The following MMRN1 variants were observed in gnomAD, a reference collection of about 807,000 sequenced individuals.
The protein encoded by MMRN1 is multimerin 1.
In MMRN1, 94 loss-of-function variants were observed where a neutral mutation model predicts 100.7. That is an observed-to-expected ratio of 0.93 (90% CI 0.79 to 1.11). The LOEUF is 1.11. Among genes scored for constraint, MMRN1 ranks in the 50% least tolerant of loss-of-function variants. The pLI is 0.00. For synonymous variants in MMRN1, 575 were observed against 505.0 expected, an observed-to-expected ratio of 1.14 and a Z score of -1.86; for missense variants, 1,606 against 1,439.1, an observed-to-expected ratio of 1.12 and a Z score of -1.88.
intron 5 of MMRN1, among the ~76,000 whole-genome samples, chr4:89,930,774 T>C (rs1722409350): frequency 6.6e-6 from 1 of 152,020 alleles, no homozygotes; most frequent in Admixed American, 6.6e-5. Flanking sequence ...GAAATCGAAT[T>C]TTCTAAATTT....
In MMRN1 at chr4:89,938,384, T is replaced by A. The variant is rs529048529; in HGVS notation, c.3118+1586T>A. ...GTTGTTTTTTCCATACTATTTCCAT[T>A]ATTGGTCTTCATGTGGACACTTCAT... On this transcript the variant is annotated intron_variant, in intron 6 of 7. Coordinates refer to ENST00000264790, the MANE Select transcript of MMRN1 (RefSeq NM_007351.3). 2.7e-5 allele frequency among the ~76,000 whole-genome samples: 4 copies of A among 149,754 alleles called. No homozygotes were observed. The Admixed American group carries it at 2.7e-4, about 10-fold the overall frequency.
intron 6 of MMRN1, among the ~76,000 whole-genome samples, chr4:89,945,433 T>C (rs1722958664): frequency 6.6e-6 from 1 of 152,168 alleles, no homozygotes; most frequent in African/African-American, 2.4e-5. Flanking sequence ...CACTTGGCAT[T>C]TCCATGAATA....
intron 1 of MMRN1, among the ~76,000 whole-genome samples, chr4:89,882,361 T>C (rs907688343): frequency 1.3e-5 from 2 of 151,446 alleles, no homozygotes; most frequent in African/African-American, 2.4e-5. Context: ...TTTAATAAAA[T>C]TAGAAAAAAT....
chr4:89,924,232 G>A (rs1722175681), intron 4 of MMRN1, among the ~76,000 whole-genome samples: 1 of 152,144 alleles, frequency 6.6e-6, no homozygotes, highest in South Asian at 2.1e-4. Context: ...CATCAGCTCT[G>A]TAACTGCGAG....
intron 3 of MMRN1, among the ~76,000 whole-genome samples, chr4:89,915,599 TA>T (rs913403370): frequency 2.7e-4 from 39 of 146,174 alleles, no homozygotes; most frequent in African/African-American, 5.7e-4. Flanking sequence ...TCCATCTAAT[TA>T]AAAAAAAAAG....
At position 89,909,358 on chromosome 4, in the gene MMRN1, G is replaced by T. The variant is rs753619973; in HGVS notation, c.706G>T (p.Gly236Ter). 1 of 1,610,104 alleles carries T rather than the reference G, an allele frequency of 6.2e-7. No homozygotes were observed. The highest frequency in any genetic ancestry group is 1.1e-5 in the South Asian group (1 of 90,962). Residue 236 changes from glycine to a stop codon, truncating the protein, a stop_gained, in exon 2 of 8, where the codon GGA becomes TGA. Coordinates refer to ENST00000264790, the MANE Select transcript of MMRN1 (RefSeq NM_007351.3). LOFTEE classifies it high-confidence loss of function. Reference sequence around the variant, plus strand: ...GGTCACTTATGTCCCAGGTGGGAAAGGACCTTGTGGCTGGACCGGTGGATC... The same window carrying T: ...GGTCACTTATGTCCCAGGTGGGAAATGACCTTGTGGCTGGACCGGTGGATC... Reference protein sequence around the residue: ...NQVTYVPGGKGPCGWTGGSCP... With the variant: ...NQVTYVPGGK
chr4:89,932,992 C>T (rs992618417), intron 5 of MMRN1, among the ~76,000 whole-genome samples: 12 of 152,092 alleles, frequency 7.9e-5, no homozygotes, highest in African/African-American at 2.7e-4. Flanking sequence ...CTTTTATGCT[C>T]TGCTTCCCTT....
chr4:89,923,496 CA>C (rs1722154502), intron 4 of MMRN1, among the ~76,000 whole-genome samples: 1 of 152,278 alleles, frequency 6.6e-6, no homozygotes, highest in East Asian at 1.9e-4. Context: ...TGTGCAAACA[CA>C]GAAAGAATAA....
At chr4:89,941,423 G>A (rs2110643903) in intron 6 of MMRN1, among the ~76,000 whole-genome samples, 1 of 152,240 alleles carries the variant, frequency 6.6e-6, no homozygotes, top group East Asian at 1.9e-4. Flanking sequence ...CAACATTTCT[G>A]TGTGCTCTTT....
At chr4:89,894,231 T>C (rs1721120121), upstream of MMRN1, among the ~76,000 whole-genome samples, 2 of 152,158 alleles carry the variant, frequency 1.3e-5, no homozygotes, top group African/African-American at 4.8e-5. Flanking sequence ...AAATTTAAAG[T>C]GACTTCCTGG....
At position 89,908,534 on chromosome 4, in the gene MMRN1, A is replaced by G. The variant is rs11933338; in HGVS notation, c.624-742A>G. 3.3e-3 allele frequency among the ~76,000 whole-genome samples: 493 copies of G among 151,602 alleles called. 5 individuals carry two copies. The highest frequency in any genetic ancestry group is 0.011 in the African/African-American group (474 of 41,458). ...ATGATTCATTGGCTTTTTCTTTAAA[A>G]CTTTTCAATAAAGTTTAAAATTTTT... On this transcript the variant is annotated intron_variant, in intron 1 of 7. Coordinates refer to ENST00000264790, the MANE Select transcript of MMRN1 (RefSeq NM_007351.3).
At chr4:89,931,366 A>G (rs1722428161) in intron 5 of MMRN1, among the ~76,000 whole-genome samples, 1 of 152,138 alleles carries the variant, frequency 6.6e-6, no homozygotes, top group Non-Finnish European at 1.5e-5. Flanking sequence ...TACAAAATGG[A>G]GACATGTGGA....
chr4:89,953,193 T>C lies in MMRN1; in HGVS notation c.3462T>C (p.Phe1154=). 1 of 1,613,864 alleles carries C rather than the reference T, an allele frequency of 6.2e-7. No homozygotes were observed. Among genetic ancestry groups the C allele is most frequent in the Non-Finnish European group, 8.5e-7 (1 of 1,179,858 alleles). Residue 1154 remains phenylalanine (F), a synonymous_variant, in exon 8 of 8, where the codon TTT becomes TTC. Coordinates refer to ENST00000264790, the MANE Select transcript of MMRN1 (RefSeq NM_007351.3). ...TTTTCAAGTACACCATCGAGTCATT[T>C]AGTGCTCATATTTCTGGATTTTTAG... The part of the protein sequence containing the change: ...VYVFKYTIES[F]SAHISGFLVV...
chr4:89,943,981 C>CAAA (rs543952532), intron 6 of MMRN1, among the ~76,000 whole-genome samples: 6 of 125,848 alleles, frequency 4.8e-5, no homozygotes, highest in African/African-American at 1.4e-4. Context: ...GACTCTGTCT[C>CAAA]AAAAAAAAAA....
rs74399478 is a variant in MMRN1 at position 89,908,886 on chromosome 4, T to A, written c.624-390T>A. On this transcript the variant is annotated intron_variant, in intron 1 of 7. Transcript: ENST00000264790. ...TTTGATTTTGAAACCATTTATTTAC[T>A]TATTTACTTATGCTTTACTGCACAT... 3.3e-3 allele frequency among the ~76,000 whole-genome samples: 493 copies of A among 151,540 alleles called. 5 individuals carry two copies. Among genetic ancestry groups the A allele is most frequent in the African/African-American group, 0.011 (473 of 41,478 alleles).
At chr4:89,944,373 A>C (rs1722923523) in intron 6 of MMRN1, among the ~76,000 whole-genome samples, 1 of 152,210 alleles carries the variant, frequency 6.6e-6, no homozygotes, top group Non-Finnish European at 1.5e-5. Context: ...CGCTCCCTTG[A>C]GCAACTTATG....
chr4:89,938,850 A>G (rs1000011673), intron 6 of MMRN1, among the ~76,000 whole-genome samples: 2 of 152,048 alleles, frequency 1.3e-5, no homozygotes, highest in African/African-American at 4.8e-5. Context: ...TATTTAAGCA[A>G]AGATACCAAT....
At position 89,927,894 on chromosome 4, in the gene MMRN1, T is replaced by A; in HGVS notation, c.1055T>A (p.Val352Glu). The A allele has an allele frequency of 6.2e-7, 1 of 1,611,696 alleles. No individual in the cohort carries two copies. The change falls in exon 5 of 8, where the codon GTA becomes GAA. Residue 352 changes from valine to glutamate, a missense_variant. Val to Glu is a moderately radical substitution (Grantham distance 121). Transcript: ENST00000264790. The part of the protein sequence containing the change: ...IDNISLTVND[V>E]RNTYSSLEGK... ...AATATTTCTTTGACTGTGAATGATG[T>A]AAGGAACACTTACTCCTCCCTAGAA...
At chr4:89,897,277 C>G (rs113471851) in intron 1 of MMRN1, among the ~76,000 whole-genome samples, 8,460 of 151,778 alleles carry the variant, frequency 0.056, 354 homozygotes, top group African/African-American at 0.12. Context: ...GGCACAATCT[C>G]GGCTCACTGC....
Sources: gnomAD v4.1 joint callset for allele counts (sites outside exome capture counted in the v4.1 genomes callset) on GRCh38, gnomAD v4.1.1 for gene constraint, MANE v1.5 for transcripts, NCBI Gene and HGNC (gene_info 2026-07-23, HGNC 2026-07-21) for gene names.